Variants in CCSER1 observed in about 807,000 individuals in gnomAD.
CCSER1 encodes serine-rich coiled-coil domain-containing protein 1.
In CCSER1, 41 loss-of-function variants were observed where a neutral mutation model predicts 82.0. The observed-to-expected ratio is 0.50, with a 90% CI of 0.39 to 0.65. The LOEUF is 0.65. Ranked by LOEUF, CCSER1 falls within the 30% of genes least tolerant of loss-of-function variation. The pLI is 0.00. For synonymous variants in CCSER1, 414 were observed against 383.9 expected (o/e 1.08, Z -0.92); for missense variants, 1,119 against 1,064.2 (o/e 1.05, Z -0.72).
intron 7 of CCSER1, among the ~76,000 whole-genome samples, chr4:90,794,032 G>C (rs1755638960): frequency 6.6e-6 from 1 of 152,124 alleles, no homozygotes; most frequent in Non-Finnish European, 1.5e-5. Context: ...TTGTAAGTTT[G>C]TTTTAGTTCC....
chr4:91,439,970 C>A (rs1476994956), intron 10 of CCSER1, among the ~76,000 whole-genome samples: 1 of 151,982 alleles, frequency 6.6e-6, no homozygotes, highest in African/African-American at 2.4e-5. Context: ...TAAAGCAAGT[C>A]CTGAGTGACC....
At chr4:90,790,590 T>C (rs1375320890) in intron 7 of CCSER1, among the ~76,000 whole-genome samples, 1 of 152,174 alleles carries the variant, frequency 6.6e-6, no homozygotes, top group African/African-American at 2.4e-5. Context: ...TCTACTACCT[T>C]GGTCTATGTG....
At chr4:90,595,729 T>C (rs1783250359) in intron 5 of CCSER1, among the ~76,000 whole-genome samples, 1 of 151,964 alleles carries the variant, frequency 6.6e-6, no homozygotes, top group Admixed American at 6.6e-5. Flanking sequence ...TTGAAACCTT[T>C]CTTTGTACTC....
At chr4:90,369,465 G>C (rs1746975306) in intron 3 of CCSER1, among the ~76,000 whole-genome samples, 1 of 151,806 alleles carries the variant, frequency 6.6e-6, no homozygotes, top group African/African-American at 2.4e-5. Context: ...AAGATATAGG[G>C]AGATTGAGAG....
chr4:91,405,042 A>C (rs1267752516), intron 10 of CCSER1, among the ~76,000 whole-genome samples: 1 of 152,154 alleles, frequency 6.6e-6, no homozygotes, highest in Non-Finnish European at 1.5e-5. Flanking sequence ...GTCTCTTTGT[A>C]GGTCTCTAAG....
At chr4:90,351,538 A>C (rs1260917931) in intron 3 of CCSER1, among the ~76,000 whole-genome samples, 1 of 152,178 alleles carries the variant, frequency 6.6e-6, no homozygotes, top group Non-Finnish European at 1.5e-5. Flanking sequence ...AATTCCACTT[A>C]TAATAACAAA....
chr4:91,277,204 A>G (rs1306521164), intron 10 of CCSER1, among the ~76,000 whole-genome samples: 1 of 152,032 alleles, frequency 6.6e-6, no homozygotes, highest in Non-Finnish European at 1.5e-5. Context: ...AATATTTTTG[A>G]ATAGTTTCAG....
At chr4:90,276,603 C>T (rs2153457912) in intron 1 of CCSER1, among the ~76,000 whole-genome samples, 1 of 152,148 alleles carries the variant, frequency 6.6e-6, no homozygotes, top group South Asian at 2.1e-4. Flanking sequence ...GCCTTGCCCA[C>T]CCAAAGTGCT....
chr4:90,215,341 T>G (rs914467551), intron 1 of CCSER1, among the ~76,000 whole-genome samples: 2 of 152,208 alleles, frequency 1.3e-5, no homozygotes, highest in Admixed American at 1.3e-4. Context: ...GAGCATTTAG[T>G]GAATTAAAGT....
chr4:91,207,082 G>A (rs1439581483), intron 10 of CCSER1, among the ~76,000 whole-genome samples: 1 of 151,794 alleles, frequency 6.6e-6, no homozygotes, highest in Non-Finnish European at 1.5e-5. Context: ...AGGAAACAAC[G>A]TTATGTAAAG....
chr4:91,464,442 C>T (rs1309333439), intron 10 of CCSER1, among the ~76,000 whole-genome samples: 1 of 152,138 alleles, frequency 6.6e-6, no homozygotes, highest in Non-Finnish European at 1.5e-5. Flanking sequence ...GAAACTGCAT[C>T]AACTGACAAG....
intron 5 of CCSER1, among the ~76,000 whole-genome samples, chr4:90,483,090 T>C (rs574412002): frequency 6.2e-4 from 95 of 152,152 alleles, no homozygotes; most frequent in African/African-American, 2.2e-3. Context: ...GGATAGTTAG[T>C]TCTTCTTGTT....
In CCSER1 at chr4:91,417,202, AAAC is replaced by A. The variant is rs1237409530; in HGVS notation, c.2218-181365_2218-181363del. ...GTATGATGATTATTAAAAAATCAAG[AAAC>A]AACAGATGCTGGCACAGCTGTGTAG... On this transcript the variant is annotated intron_variant, in intron 10 of 10. Transcript: ENST00000509176. Among the ~76,000 whole-genome samples the A allele has an allele frequency of 2.0e-5, 3 of 152,294 alleles. No individual in the cohort carries two copies. The East Asian group carries it at 5.8e-4, about 29-fold the overall frequency.
chr4:91,368,303 AT>A (rs1399812394), intron 10 of CCSER1, among the ~76,000 whole-genome samples: 2 of 152,078 alleles, frequency 1.3e-5, no homozygotes, highest in African/African-American at 4.8e-5. Flanking sequence ...AATATGCTCC[AT>A]TTGGTCTATT....
intron 7 of CCSER1, among the ~76,000 whole-genome samples, chr4:90,799,582 G>A (rs532456098): frequency 2.2e-4 from 33 of 152,238 alleles, no homozygotes; most frequent in Admixed American, 8.5e-4. Flanking sequence ...GTCATGGCCA[G>A]TCTGGGGCCC....
At chr4:91,500,153 G>A (rs1218455386) in intron 10 of CCSER1, among the ~76,000 whole-genome samples, 1 of 151,864 alleles carries the variant, frequency 6.6e-6, no homozygotes, top group Non-Finnish European at 1.5e-5. Flanking sequence ...TAGGCGTTTT[G>A]GATTTGGCCA....
intron 10 of CCSER1, among the ~76,000 whole-genome samples, chr4:91,439,275 C>T (rs562442810): frequency 4.1e-4 from 63 of 152,194 alleles, no homozygotes; most frequent in Non-Finnish European, 4.6e-4. Flanking sequence ...AGACTAACAG[C>T]GGATCTCTCG....
chr4:90,905,294 T>C (rs574504663), intron 8 of CCSER1, among the ~76,000 whole-genome samples: 39 of 152,072 alleles, frequency 2.6e-4, no homozygotes, highest in African/African-American at 9.2e-4. Context: ...AAACATAAAA[T>C]TGAGCATTTT....
chr4:91,434,435 T>C (rs1754522374), intron 10 of CCSER1, among the ~76,000 whole-genome samples: 1 of 152,152 alleles, frequency 6.6e-6, no homozygotes, highest in Non-Finnish European at 1.5e-5. Flanking sequence ...AAAAAACAGA[T>C]ATTATTTAGA....
Sources: allele counts gnomAD v4.1 joint callset (sites outside exome capture counted in the v4.1 genomes callset), GRCh38; gene constraint gnomAD v4.1.1; transcripts MANE v1.5; gene names NCBI Gene and HGNC (gene_info 2026-07-23, HGNC 2026-07-21).